Variants in CHRM2 observed in about 807,000 individuals in gnomAD.
CHRM2 encodes the protein cholinergic receptor muscarinic 2.
In CHRM2, 8 loss-of-function variants were observed where a neutral mutation model predicts 25.0. The observed-to-expected ratio is 0.32, with a 90% CI of 0.19 to 0.58. The LOEUF is 0.58. Among genes scored for constraint, CHRM2 ranks in the 20% least tolerant of loss-of-function variants. CHRM2 has a pLI of 0.88. For synonymous variants in CHRM2, 202 were observed against 205.7 expected (o/e 0.98, Z 0.15); for missense variants, 440 against 567.1 (o/e 0.78, Z 2.28).
rs1795695259 is a variant in CHRM2 at position 136,868,753 on chromosome 7, C to CACACACACACACACACACAG, written c.-503_-502insGACACACACACACACACACA. On this transcript the variant is annotated 5_prime_UTR_variant, in exon 1 of 4. Coordinates refer to ENST00000680005, the MANE Select transcript of CHRM2 (RefSeq NM_001006630.2). ...CCTAGGGAGCGCGCGCGGGCACACA[C>CACACACACACACACACACAG]ACACACACACACACACACACAGACA... 1 of 103,156 alleles carries CACACACACACACACACACAG rather than the reference C, an allele frequency of 9.7e-6. No homozygotes were observed. The highest frequency in any genetic ancestry group is 2.2e-5 in the Non-Finnish European group (1 of 44,830). 6.4% of individuals were successfully genotyped at this position (103,156 alleles called of 1,614,324 possible).
chr7:136,900,726 ATTG>A (rs2130615900), intron 2 of CHRM2, among the ~76,000 whole-genome samples: 1 of 152,210 alleles, frequency 6.6e-6, no homozygotes. Flanking sequence ...TAAAAAAAGA[ATTG>A]TTATTTAAAG....
chr7:136,898,260 C>G (rs1028398579), intron 2 of CHRM2, among the ~76,000 whole-genome samples: 7 of 152,048 alleles, frequency 4.6e-5, no homozygotes, highest in Non-Finnish European at 7.4e-5. Context: ...GAATGAAAAA[C>G]AAAAACTTAT....
intron 2 of CHRM2, among the ~76,000 whole-genome samples, chr7:136,942,916 AC>A (rs148625027): frequency 0.043 from 6,471 of 151,758 alleles, 179 homozygotes; most frequent in Middle Eastern, 0.099. Context: ...CTAACCCCTT[AC>A]TGTCAGAGTC....
chr7:137,009,712 G>A (rs1252681179), intron 3 of CHRM2, among the ~76,000 whole-genome samples: 2 of 151,988 alleles, frequency 1.3e-5, no homozygotes, highest in African/African-American at 2.4e-5. Context: ...TTAATTATTT[G>A]ATATTTAGTT....
chr7:136,897,941 A>G (rs549957318), intron 2 of CHRM2, among the ~76,000 whole-genome samples: 1 of 152,254 alleles, frequency 6.6e-6, no homozygotes, highest in South Asian at 2.1e-4. Flanking sequence ...CTCTATGCCC[A>G]TTTCTGTAGT....
At chr7:136,953,682 A>C (rs1800547936) in intron 2 of CHRM2, among the ~76,000 whole-genome samples, 1 of 152,064 alleles carries the variant, frequency 6.6e-6, no homozygotes, top group East Asian at 1.9e-4. Context: ...CAGACATGCA[A>C]ACCAAAAATT....
chr7:136,918,322 G>A (rs977180606), intron 2 of CHRM2, among the ~76,000 whole-genome samples: 1 of 152,022 alleles, frequency 6.6e-6, no homozygotes, highest in African/African-American at 2.4e-5. Context: ...ATGGATATTT[G>A]ATGAAATTGT....
chr7:137,009,629 G>C (rs935847018), intron 3 of CHRM2, among the ~76,000 whole-genome samples: 2 of 152,032 alleles, frequency 1.3e-5, no homozygotes, highest in African/African-American at 4.8e-5. Flanking sequence ...ACATGACACT[G>C]TTCCTCTGCC....
chr7:136,925,620 T>C (rs12536315), intron 2 of CHRM2, among the ~76,000 whole-genome samples: 36,199 of 151,780 alleles, frequency 0.24, 5,687 homozygotes, highest in Non-Finnish European at 0.35. Flanking sequence ...TCCAATATCA[T>C]GTAAGTAAGA....
chr7:136,937,135 T>G (rs1799460582), intron 2 of CHRM2, among the ~76,000 whole-genome samples: 1 of 152,118 alleles, frequency 6.6e-6, no homozygotes, highest in Admixed American at 6.5e-5. Flanking sequence ...AAATAGGTAG[T>G]TTTCAATAAT....
chr7:136,887,720 G>A (rs1016721887), intron 2 of CHRM2, among the ~76,000 whole-genome samples: 17 of 152,082 alleles, frequency 1.1e-4, no homozygotes, highest in South Asian at 2.1e-4. Flanking sequence ...GAAACCAAGC[G>A]TTCTCTCAGA....
chr7:136,911,166 T>TA lies in CHRM2; in HGVS notation c.-125+41754dup, dbSNP rs1057007237. ...AGTTGGGTTTCAGCAATGATATGGA[T>TA]AAAAAATAATGTTTTATCACTTCAT... On this transcript the variant is annotated intron_variant, in intron 2 of 3. Coordinates refer to ENST00000680005, the MANE Select transcript of CHRM2 (RefSeq NM_001006630.2). 9.2e-5 allele frequency among the ~76,000 whole-genome samples: 14 copies of TA among 151,848 alleles called. 1 individual carries two copies. Among genetic ancestry groups the TA allele is most frequent in the African/African-American group, 3.4e-4 (14 of 41,358 alleles).
chr7:136,942,151 A>G (rs1799809598), intron 2 of CHRM2, among the ~76,000 whole-genome samples: 1 of 152,158 alleles, frequency 6.6e-6, no homozygotes, highest in Non-Finnish European at 1.5e-5. Flanking sequence ...TTTGCACATT[A>G]ACAGAGTAGG....
At chr7:136,876,700 A>G (rs13223738) in intron 2 of CHRM2, among the ~76,000 whole-genome samples, 25,050 of 152,052 alleles carry the variant, frequency 0.16, 2,466 homozygotes, top group Non-Finnish European at 0.23. Flanking sequence ...AACTGTAGTA[A>G]CGAGGCAGTC....
At chr7:136,948,444 C>T (rs547140405) in intron 2 of CHRM2, among the ~76,000 whole-genome samples, 6 of 151,888 alleles carry the variant, frequency 4.0e-5, no homozygotes, top group Admixed American at 1.3e-4. Flanking sequence ...TGGAAATGAG[C>T]GGAAGTGAGG....
chr7:137,015,586 G>C lies in CHRM2; in HGVS notation c.721G>C (p.Val241Leu). ...VSPSLVQGRIVKPNNNNMPSS... is the reference protein window; with the variant it reads ...VSPSLVQGRILKPNNNNMPSS... ...TCCAAGTCTGGTACAAGGAAGGATAGTGAAGCCAAACAATAACAACATGCC... is the reference window on the plus strand; with the variant it reads ...TCCAAGTCTGGTACAAGGAAGGATACTGAAGCCAAACAATAACAACATGCC... The change falls in exon 4 of 4, where the codon GTG becomes CTG. Residue 241 changes from valine to leucine, a missense_variant. Physicochemically the swap from Val to Leu is conservative, Grantham distance 32. Around this residue, in one of 5 missense-constraint regions of CHRM2, gnomAD observed 261 missense variants for 261.8 expected, o/e 1.00. Transcript: ENST00000680005. This position sits in a 1 kb window ranked among gnomAD's most constrained non-coding sequence, Gnocchi z 5.1. 6.2e-7 allele frequency: 1 copy of C among 1,612,922 alleles called. No individual in the cohort carries two copies. Among genetic ancestry groups the C allele is most frequent in the South Asian group, 1.1e-5 (1 of 91,056 alleles).
intron 3 of CHRM2, among the ~76,000 whole-genome samples, chr7:137,011,194 CGTGT>C (rs146093146): frequency 1.5e-5 from 2 of 136,358 alleles, no homozygotes; most frequent in Non-Finnish European, 3.1e-5. Context: ...TATATGTGTA[CGTGT>C]GTGTGTGTGT....
chr7:136,930,154 C>T (rs62485245), intron 2 of CHRM2, among the ~76,000 whole-genome samples: 36,216 of 151,910 alleles, frequency 0.24, 5,669 homozygotes, highest in Non-Finnish European at 0.35. Flanking sequence ...AGAAAGAGGC[C>T]GGGCATGGTG....
intron 2 of CHRM2, among the ~76,000 whole-genome samples, chr7:136,934,740 G>A (rs1487741454): frequency 6.7e-6 from 1 of 149,586 alleles, no homozygotes; most frequent in African/African-American, 2.4e-5. Context: ...TTTGTAACAT[G>A]GAAAACCAAA....
Sources: gnomAD v4.1 joint callset for allele counts (sites outside exome capture counted in the v4.1 genomes callset) on GRCh38, gnomAD v4.1.1 for gene constraint, gnomAD v4.1.1 regional missense constraint, Gnocchi (gnomAD v3.1) non-coding constraint, MANE v1.5 for transcripts, NCBI Gene and HGNC (gene_info 2026-07-23, HGNC 2026-07-21) for gene names.